Variants in PIK3C2G observed in about 807,000 individuals in gnomAD.
PIK3C2G encodes the protein phosphatidylinositol-4-phosphate 3-kinase catalytic subunit type 2 gamma.
Under a neutral mutation model 181.1 loss-of-function variants are expected in PIK3C2G, and 168 were observed. That is an observed-to-expected ratio of 0.93 (90% CI 0.82 to 1.05). The LOEUF is 1.05. PIK3C2G is among the 50% of genes least tolerant of loss of function. The pLI, the probability that PIK3C2G is intolerant of heterozygous loss-of-function variation, is 0.00. For synonymous variants in PIK3C2G, 573 were observed against 592.2 expected (o/e 0.97, Z 0.47); for missense variants, 1,869 against 1,732.8 (o/e 1.08, Z -1.40).
chr12:18,437,718 T>C (rs548572111), intron 18 of PIK3C2G, among the ~76,000 whole-genome samples: 32 of 152,094 alleles, frequency 2.1e-4, no homozygotes, highest in African/African-American at 7.7e-4. Flanking sequence ...TTATGATTAT[T>C]TTTAAAGAGG....
intron 32 of PIK3C2G, 77 bp from the exon 33 acceptor site, chr12:18,647,799 T>A: frequency 2.5e-6 from 2 of 794,914 alleles, no homozygotes; most frequent in South Asian, 3.5e-5. Flanking sequence ...TAATTTTTTT[T>A]ATTAAAAGCA....
At chr12:18,246,503 G>A (rs1026459911), upstream of PIK3C2G, among the ~76,000 whole-genome samples, 1 of 151,856 alleles carries the variant, frequency 6.6e-6, no homozygotes, top group Non-Finnish European at 1.5e-5. Context: ...ATATTATTTT[G>A]CAGTCAAAGA....
chr12:18,686,619 C>T, the PIK3C2G span, among the ~76,000 whole-genome samples: 2 of 152,038 alleles, frequency 1.3e-5, no homozygotes, highest in Non-Finnish European at 2.9e-5. Flanking sequence ...AAATTCTACT[C>T]ATTCTCCAAG....
chr12:18,281,502 C>A (rs1328578845), intron 1 of PIK3C2G, among the ~76,000 whole-genome samples: 1 of 151,590 alleles, frequency 6.6e-6, no homozygotes, highest in African/African-American at 2.4e-5. Context: ...ATAAAAGGCT[C>A]TGCAATTATT....
In PIK3C2G at chr12:18,563,621, A is replaced by T. The variant is rs1945462758; in HGVS notation, c.3902+123A>T. 3.6e-6 allele frequency: 3 copies of T among 823,754 alleles called. No individual in the cohort carries two copies. The East Asian group carries it at 7.8e-5, about 21-fold the overall frequency. 51.0% of individuals were successfully genotyped at this position (823,754 alleles called of 1,614,324 possible). On this transcript the variant is annotated intron_variant, in intron 28 of 32. Transcript: ENST00000538779. ...AGTATTCTGACTCCAATGCCATTGA[A>T]TCTATCCCAGCAGAGAGTCTGAATT...
intron 15 of PIK3C2G, among the ~76,000 whole-genome samples, chr12:18,395,218 T>A (rs1361201064): frequency 1.3e-5 from 2 of 150,580 alleles, no homozygotes; most frequent in East Asian, 1.9e-4. Context: ...AAGATAAATT[T>A]AAAAATTTTG....
At chr12:18,345,587 T>C (rs555140966) in intron 10 of PIK3C2G, among the ~76,000 whole-genome samples, 80 of 152,336 alleles carry the variant, frequency 5.3e-4, no homozygotes, top group African/African-American at 1.9e-3. Context: ...CAACTGCCTG[T>C]GTGCTGGAAC....
At chr12:18,518,608 A>G (rs1402444771) in intron 24 of PIK3C2G, among the ~76,000 whole-genome samples, 1 of 151,884 alleles carries the variant, frequency 6.6e-6, no homozygotes, top group African/African-American at 2.4e-5. Context: ...TATTGTGTCT[A>G]TTTGATCCTT....
intron 1 of PIK3C2G, among the ~76,000 whole-genome samples, chr12:18,269,732 G>A (rs1172689159): frequency 6.6e-6 from 1 of 151,838 alleles, no homozygotes; most frequent in East Asian, 1.9e-4. Context: ...TACGCAAAAT[G>A]GAAATAAAGA....
chr12:18,559,034 T>C (rs1262644161), intron 26 of PIK3C2G, among the ~76,000 whole-genome samples: 1 of 152,188 alleles, frequency 6.6e-6, no homozygotes, highest in African/African-American at 2.4e-5. Context: ...TATGTTTGCA[T>C]GTCTCTGTGT....
chr12:18,543,692 A>G (rs73064288), intron 25 of PIK3C2G, among the ~76,000 whole-genome samples: 4,715 of 152,048 alleles, frequency 0.031, 74 homozygotes, highest in Middle Eastern at 0.065. Context: ...AAAAGATCAG[A>G]TGATCATAAT....
At chr12:18,486,226 C>T (rs1334883576) in intron 18 of PIK3C2G, among the ~76,000 whole-genome samples, 2 of 152,058 alleles carry the variant, frequency 1.3e-5, no homozygotes, top group South Asian at 2.1e-4. Context: ...GTAATCTTGG[C>T]AGGGATGCAG....
the PIK3C2G span, among the ~76,000 whole-genome samples, chr12:18,678,170 G>T: frequency 1.3e-5 from 2 of 152,060 alleles, no homozygotes; most frequent in Non-Finnish European, 2.9e-5. Context: ...TCCCCACTTA[G>T]GAAGGCTTCT....
chr12:18,421,909 G>C (rs569207651), intron 17 of PIK3C2G, among the ~76,000 whole-genome samples: 5 of 151,992 alleles, frequency 3.3e-5, no homozygotes, highest in African/African-American at 1.2e-4. Flanking sequence ...GAATTTCTCT[G>C]AAGTTCTCCT....
At chr12:18,624,982 A>T (rs978331952) in intron 31 of PIK3C2G, among the ~76,000 whole-genome samples, 1 of 151,576 alleles carries the variant, frequency 6.6e-6, no homozygotes. Context: ...TTAAAAGCCA[A>T]ACTCTGAGTT....
At chr12:18,722,527 A>T in the PIK3C2G span, among the ~76,000 whole-genome samples, 1 of 152,078 alleles carries the variant, frequency 6.6e-6, no homozygotes, top group African/African-American at 2.4e-5. Flanking sequence ...CTCCTAGGTG[A>T]ATATTTTGAG....
intron 8 of PIK3C2G, among the ~76,000 whole-genome samples, chr12:18,325,629 A>G (rs1591960079): frequency 6.8e-6 from 1 of 148,148 alleles, no homozygotes. Flanking sequence ...AATAGCTTGA[A>G]CCCGGGAGGT....
chr12:18,503,497 G>C, intron 23 of PIK3C2G, 80 bp downstream of exon 23: 2 of 1,053,524 alleles, frequency 1.9e-6, no homozygotes, highest in South Asian at 2.2e-5. Flanking sequence ...CTGATTTGTA[G>C]AAAAGTAAAT....
the PIK3C2G span, among the ~76,000 whole-genome samples, chr12:18,724,315 A>C: frequency 1.6e-4 from 24 of 152,272 alleles, no homozygotes; most frequent in African/African-American, 5.5e-4. Context: ...CGACACAATG[A>C]AATTTTAGAC....
Sources: allele counts gnomAD v4.1 joint callset (sites outside exome capture counted in the v4.1 genomes callset), GRCh38; gene constraint gnomAD v4.1.1; transcripts MANE v1.5; gene names NCBI Gene and HGNC (gene_info 2026-07-23, HGNC 2026-07-21).